RBFOX1: variants seen among roughly 807,000 people sequenced by gnomAD.
The protein encoded by RBFOX1 is RNA binding fox-1 homolog 1, also known as RNA binding protein fox-1 homolog 1.
In RBFOX1, 8 loss-of-function variants were observed where a neutral mutation model predicts 57.7. The ratio of observed to expected loss-of-function variants is 0.14; its 90% CI spans 0.08 to 0.25. The LOEUF (loss-of-function observed/expected upper bound fraction) is 0.25, where lower values mean the gene tolerates loss of function less well. RBFOX1 is among the 10% of genes least tolerant of loss of function. The pLI is 1.00. For synonymous variants in RBFOX1, 326 were observed against 222.4 expected, an observed-to-expected ratio of 1.47 and a Z score of -4.15; for missense variants, 611 against 548.5, an observed-to-expected ratio of 1.11 and a Z score of -1.14.
At chr16:6,800,202 C>T (rs974904465) in intron 3 of RBFOX1, among the ~76,000 whole-genome samples, 1 of 145,884 alleles carries the variant, frequency 6.9e-6, no homozygotes, top group Non-Finnish European at 1.5e-5. Flanking sequence ...ACAAGTCTTG[C>T]TGTTTTCCTG....
chr16:5,842,638 A>T (rs1412324210), intron 3 of RBFOX1, among the ~76,000 whole-genome samples: 1 of 152,200 alleles, frequency 6.6e-6, no homozygotes, highest in Non-Finnish European at 1.5e-5. Context: ...AATAGAAAAT[A>T]ATGAGGTCCA....
chr16:6,776,760 A>C (rs1417101525), intron 3 of RBFOX1, among the ~76,000 whole-genome samples: 1 of 152,230 alleles, frequency 6.6e-6, no homozygotes, highest in Non-Finnish European at 1.5e-5. Flanking sequence ...ACTTTTCTGC[A>C]CTAATGCAAT....
chr16:7,317,727 A>C (rs549897153), intron 4 of RBFOX1, among the ~76,000 whole-genome samples: 1 of 152,192 alleles, frequency 6.6e-6, no homozygotes, highest in African/African-American at 2.4e-5. Context: ...AACAGAACTG[A>C]CTTTGAGTCT....
At chr16:7,149,254 G>C (rs2075652888) in intron 4 of RBFOX1, among the ~76,000 whole-genome samples, 1 of 152,054 alleles carries the variant, frequency 6.6e-6, no homozygotes, top group South Asian at 2.1e-4. Context: ...TGGTGGAAGA[G>C]AGAGTTGCAA....
At chr16:5,293,661 G>A (rs557134449) in intron 1 of RBFOX1, among the ~76,000 whole-genome samples, 1 of 152,166 alleles carries the variant, frequency 6.6e-6, no homozygotes, top group South Asian at 2.1e-4. Context: ...TGGTTATTAT[G>A]TATGTTACAT....
At chr16:7,135,791 A>G (rs1306813551) in intron 4 of RBFOX1, among the ~76,000 whole-genome samples, 4 of 152,228 alleles carry the variant, frequency 2.6e-5, no homozygotes, top group African/African-American at 9.6e-5. Context: ...AATTATTCTG[A>G]AGGCCTCATT....
intron 4 of RBFOX1, among the ~76,000 whole-genome samples, chr16:7,216,709 C>T (rs547946106): frequency 2.0e-5 from 3 of 152,126 alleles, no homozygotes; most frequent in South Asian, 4.2e-4. Flanking sequence ...ATGAGTGTAG[C>T]ACAGCACATA....
intron 7 of RBFOX1, among the ~76,000 whole-genome samples, chr16:7,589,513 C>T (rs1416862019): frequency 2.0e-5 from 3 of 151,402 alleles, no homozygotes; most frequent in Non-Finnish European, 4.4e-5. Context: ...GGTCTTTATT[C>T]TTTTGGTTTA....
intron 4 of RBFOX1, among the ~76,000 whole-genome samples, chr16:7,306,463 AG>A (rs1406576321): frequency 6.6e-6 from 1 of 152,184 alleles, no homozygotes; most frequent in Non-Finnish European, 1.5e-5. Context: ...AGATAGATGG[AG>A]GGTGGATTTT....
chr16:7,174,156 A>C (rs1458160473), intron 4 of RBFOX1, among the ~76,000 whole-genome samples: 1 of 151,752 alleles, frequency 6.6e-6, no homozygotes, highest in Admixed American at 6.6e-5. Flanking sequence ...GGATTATTTA[A>C]TTTAGCAGAA....
intron 4 of RBFOX1, among the ~76,000 whole-genome samples, chr16:7,210,362 CA>C (rs2090887787): frequency 6.6e-6 from 1 of 152,126 alleles, no homozygotes; most frequent in Non-Finnish European, 1.5e-5. Flanking sequence ...CTGTGGTCCT[CA>C]AGGATCACAT....
At chr16:7,593,254 C>T (rs1321475727) in intron 7 of RBFOX1, among the ~76,000 whole-genome samples, 3 of 152,260 alleles carry the variant, frequency 2.0e-5, no homozygotes, top group East Asian at 3.9e-4. Flanking sequence ...CAAAGCAAGG[C>T]TCAGGAATCT....
chr16:6,386,487 G>T (rs1261830348), intron 2 of RBFOX1, among the ~76,000 whole-genome samples: 1 of 152,142 alleles, frequency 6.6e-6, no homozygotes, highest in African/African-American at 2.4e-5. Context: ...TAACCCCGAT[G>T]CTGGGGATAC....
At chr16:5,518,431 C>A (rs888456969) in intron 2 of RBFOX1, among the ~76,000 whole-genome samples, 2 of 152,180 alleles carry the variant, frequency 1.3e-5, no homozygotes, top group Non-Finnish European at 2.9e-5. Flanking sequence ...CAGCTCAAGA[C>A]TATTCAGATT....
intron 3 of RBFOX1, among the ~76,000 whole-genome samples, chr16:6,719,370 G>C (rs1489384722): frequency 1.3e-5 from 2 of 151,598 alleles, no homozygotes; most frequent in African/African-American, 4.8e-5. Flanking sequence ...AAATTATCAG[G>C]GAATAAATTT....
intron 1 of RBFOX1, among the ~76,000 whole-genome samples, chr16:6,142,161 C>G (rs149617799): frequency 0.02 from 2,711 of 137,420 alleles, 43 homozygotes; most frequent in Non-Finnish European, 0.032. Flanking sequence ...TATATAACCC[C>G]CTTCAGAGAT....
At chr16:5,842,536 G>T (rs1376300864) in intron 3 of RBFOX1, among the ~76,000 whole-genome samples, 1 of 152,156 alleles carries the variant, frequency 6.6e-6, no homozygotes, top group Non-Finnish European at 1.5e-5. Flanking sequence ...GTTCATTCAT[G>T]TATTCATTCA....
chr16:5,740,086 G>C (rs1043015537), intron 3 of RBFOX1, among the ~76,000 whole-genome samples: 6 of 152,170 alleles, frequency 3.9e-5, no homozygotes, highest in Non-Finnish European at 7.4e-5. Flanking sequence ...CTTGTTGGCA[G>C]TGGAGCCTCG....
intron 2 of RBFOX1, among the ~76,000 whole-genome samples, chr16:5,507,200 G>A (rs1433873156): frequency 6.6e-6 from 1 of 152,116 alleles, no homozygotes; most frequent in African/African-American, 2.4e-5. Context: ...GCCTGGCACC[G>A]AATAAGCAAC....
Sources: gnomAD v4.1 joint callset for allele counts (sites outside exome capture counted in the v4.1 genomes callset) on GRCh38, gnomAD v4.1.1 for gene constraint, MANE v1.5 for transcripts, NCBI Gene and HGNC (gene_info 2026-07-23, HGNC 2026-07-21) for gene names.